The following EPHB2 variants were observed in gnomAD, a reference collection of about 807,000 sequenced individuals.
EPHB2 encodes EPH receptor B2.
EPHB2 carries 18 observed loss-of-function variants against 96.4 expected under a neutral mutation model. The observed-to-expected ratio is 0.19, with a 90% CI of 0.13 to 0.28. EPHB2 has a LOEUF of 0.28. EPHB2 is among the 10% of genes least tolerant of loss of function. EPHB2 has a pLI of 1.00. For synonymous variants in EPHB2, 506 were observed against 534.1 expected (o/e 0.95, Z 0.72); for missense variants, 989 against 1,355.4 (o/e 0.73, Z 4.25).
At chr1:22,892,601 C>G (rs1474299049) in intron 6 of EPHB2, among the ~76,000 whole-genome samples, 2 of 152,166 alleles carry the variant, frequency 1.3e-5, no homozygotes, top group African/African-American at 4.8e-5. Context: ...AAAGCCTCTG[C>G]TTGCATCATG....
chr1:22,780,261 GTGGCTCTTCTTCCCCCTAGGCCACA>G (rs1644510274), intron 1 of EPHB2, among the ~76,000 whole-genome samples: 2 of 152,198 alleles, frequency 1.3e-5, no homozygotes, highest in African/African-American at 2.4e-5. Flanking sequence ...CTAGGGCCAT[GTGGCTCTTCTTCCCCCTAGGCCACA>G]TGGCTCCCTG....
rs147014777 is a variant in EPHB2, at chr1:22,908,105, G to A, written c.2289G>A (p.Ser763=). The A allele has an allele frequency of 5.0e-5, 81 of 1,614,054 alleles. No homozygotes were observed. The Middle Eastern group carries it at 6.6e-4, about 13-fold the overall frequency. ...LVNSNLVCKV[S]DFGLSRFLED... ...ACAGCAACCTGGTCTGCAAGGTGTCGGACTTTGGGCTCTCACGCTTTCTAG... is the reference window on the plus strand; with the variant it reads ...ACAGCAACCTGGTCTGCAAGGTGTCAGACTTTGGGCTCTCACGCTTTCTAG... Residue 763 remains serine (S), a synonymous_variant, in exon 12 of 16, where the codon TCG becomes TCA. Coordinates refer to ENST00000374630, the MANE Select transcript of EPHB2 (RefSeq NM_017449.5).
rs1344386158 is a variant in EPHB2 at position 22,918,056 on chromosome 1, T to C, written c.*4486T>C. On this transcript the variant is annotated 3_prime_UTR_variant, in exon 16 of 16. Transcript: ENST00000374630. This position sits in a 1 kb window ranked among gnomAD's most constrained non-coding sequence, Gnocchi z 4.2. Reference sequence around the variant, plus strand: ...TGTACAGTCCAGCCACAGCAGGTTCTTGAGCAGGAGGGTAGCATAGTGAGC... The same window carrying C: ...TGTACAGTCCAGCCACAGCAGGTTCCTGAGCAGGAGGGTAGCATAGTGAGC... 6.6e-6 allele frequency: 1 copy of C among 152,290 alleles called. No homozygotes were observed. Among genetic ancestry groups the C allele is most frequent in the Non-Finnish European group, 1.5e-5 (1 of 68,142 alleles). 9.4% of individuals were successfully genotyped at this position (152,290 alleles called of 1,614,324 possible).
chr1:22,846,597 A>T lies in EPHB2; in HGVS notation c.812-16440A>T, dbSNP rs1199085738. On this transcript the variant is annotated intron_variant, in intron 3 of 15. Transcript: ENST00000374630. This position sits in a 1 kb window ranked among gnomAD's most constrained non-coding sequence, Gnocchi z 4.3. ...TGGGTAGGCGGCTTGTTGCCTCTCC[A>T]GCCTCGTGTCCTGCATCTCTGCAAC... is the stretch of plus-strand genomic sequence containing the variant. Among the ~76,000 whole-genome samples the T allele has an allele frequency of 3.3e-5, 5 of 152,088 alleles. No homozygotes were observed. Among genetic ancestry groups the T allele is most frequent in the African/African-American group, 1.2e-4 (5 of 41,398 alleles).
chr1:22,901,794 C>A (rs1034076294), intron 9 of EPHB2, among the ~76,000 whole-genome samples: 10 of 145,296 alleles, frequency 6.9e-5, no homozygotes, highest in Non-Finnish European at 1.3e-4. Context: ...GTTTTGATGT[C>A]ATTTAACTTC....
chr1:22,887,642 GC>G (rs1470379622), intron 6 of EPHB2, among the ~76,000 whole-genome samples: 1 of 152,216 alleles, frequency 6.6e-6, no homozygotes, highest in African/African-American at 2.4e-5. Context: ...AGGCCTGGCT[GC>G]TTCCGTCAGT....
At chr1:22,722,105 G>A (rs968265522) in intron 1 of EPHB2, among the ~76,000 whole-genome samples, 3 of 152,000 alleles carry the variant, frequency 2.0e-5, no homozygotes, top group South Asian at 2.1e-4. Context: ...GTGCCACCAC[G>A]CCTGGCTAAT....
intron 7 of EPHB2, 71 bp from the exon 8 acceptor site, chr1:22,895,400 AG>A: frequency 1.4e-6 from 2 of 1,411,736 alleles, no homozygotes; most frequent in Non-Finnish European, 1.0e-6. Context: ...GCAGCATGGC[AG>A]GGGGTAGGGG....
chr1:22,908,742 C>T (rs1422436934), intron 12 of EPHB2, among the ~76,000 whole-genome samples: 1 of 152,200 alleles, frequency 6.6e-6, no homozygotes, highest in Non-Finnish European at 1.5e-5. Context: ...ACATAAGGCA[C>T]AGCTGTGGGA....
At chr1:22,720,660 T>TCCCCCCC (rs916713865) in intron 1 of EPHB2, among the ~76,000 whole-genome samples, 3 of 57,396 alleles carry the variant, frequency 5.2e-5, no homozygotes, top group African/African-American at 6.2e-5. Flanking sequence ...GAAATCTCAT[T>TCCCCCCC]CCCCCCCCCC....
intron 1 of EPHB2, among the ~76,000 whole-genome samples, chr1:22,741,772 G>T (rs910033228): frequency 6.6e-6 from 1 of 150,614 alleles, no homozygotes; most frequent in Non-Finnish European, 1.5e-5. Flanking sequence ...GTTCACCTGC[G>T]TGGAAGCTGC....
intron 1 of EPHB2, among the ~76,000 whole-genome samples, chr1:22,726,647 C>T (rs1478433468): frequency 6.6e-6 from 1 of 152,108 alleles, no homozygotes; most frequent in Non-Finnish European, 1.5e-5. Context: ...GTCTTGAACT[C>T]CTGACTTCAA....
intron 3 of EPHB2, among the ~76,000 whole-genome samples, chr1:22,849,598 A>G (rs146260953): frequency 1.6e-3 from 239 of 152,368 alleles, no homozygotes; most frequent in Non-Finnish European, 2.2e-3. Flanking sequence ...AGACAGAAGC[A>G]TGTTTAGTCC....
intron 1 of EPHB2, among the ~76,000 whole-genome samples, chr1:22,740,800 C>A (rs1385007769): frequency 6.6e-6 from 1 of 152,098 alleles, no homozygotes; most frequent in African/African-American, 2.4e-5. Flanking sequence ...ATCATACCGG[C>A]CCCTCCCTGC....
chr1:22,902,606 A>G (rs1019156464), intron 9 of EPHB2, among the ~76,000 whole-genome samples: 9 of 152,242 alleles, frequency 5.9e-5, no homozygotes, highest in Admixed American at 1.3e-4. Flanking sequence ...TATGTGTTCA[A>G]TAAGCACTTT....
At chr1:22,804,833 A>C (rs1570310196) in intron 3 of EPHB2, among the ~76,000 whole-genome samples, 13 of 140,612 alleles carry the variant, frequency 9.2e-5, no homozygotes, top group East Asian at 2.1e-4. Flanking sequence ...TAGTCTCTCC[A>C]TCTCCCCTCC....
At chr1:22,816,465 C>CCCATCCCCA (rs1645076592) in intron 3 of EPHB2, among the ~76,000 whole-genome samples, 1 of 152,214 alleles carries the variant, frequency 6.6e-6, no homozygotes, top group Non-Finnish European at 1.5e-5. Context: ...GCCCAACTCC[C>CCCATCCCCA]CCATCCCCAC....
chr1:22,785,656 C>T (rs1376042578), intron 3 of EPHB2, among the ~76,000 whole-genome samples: 1 of 152,162 alleles, frequency 6.6e-6, no homozygotes, highest in Non-Finnish European at 1.5e-5. Context: ...AGGAGTGTGG[C>T]AGTTGGAATA....
At chr1:22,718,769 C>G (rs986817283) in intron 1 of EPHB2, among the ~76,000 whole-genome samples, 4 of 152,078 alleles carry the variant, frequency 2.6e-5, no homozygotes, top group African/African-American at 9.7e-5. Context: ...CCCCACAGGT[C>G]GTTGTATTAT....
Sources: gnomAD v4.1 joint callset for allele counts (sites outside exome capture counted in the v4.1 genomes callset) on GRCh38, gnomAD v4.1.1 for gene constraint, Gnocchi (gnomAD v3.1) non-coding constraint, MANE v1.5 for transcripts, NCBI Gene and HGNC (gene_info 2026-07-23, HGNC 2026-07-21) for gene names.